DCAF13: variants seen among roughly 807,000 people sequenced by gnomAD.
The protein encoded by DCAF13 is DDB1 and CUL4 associated factor 13.
In DCAF13, 38 loss-of-function variants were observed where a neutral mutation model predicts 59.0. The observed-to-expected ratio is 0.64, with a 90% confidence interval of 0.50 to 0.84. The LOEUF is 0.84. Ranked by LOEUF, DCAF13 falls within the 40% of genes least tolerant of loss-of-function variation. The pLI, the probability that DCAF13 is intolerant of heterozygous loss-of-function variation, is 0.00. For missense variants in DCAF13, 469 were observed against 558.4 expected, an observed-to-expected ratio of 0.84 and a Z score of 1.61; for synonymous variants, 173 against 175.0, an observed-to-expected ratio of 0.99 and a Z score of 0.09.
chr8:103,420,850 T>C, intron 2 of DCAF13, 125 bp from the exon 3 acceptor site: 1 of 666,890 alleles, frequency 1.5e-6, no homozygotes, highest in South Asian at 1.8e-5. Flanking sequence ...ATTGCATTGT[T>C]TTAATCCAAA....
intron 4 of DCAF13, among the ~76,000 whole-genome samples, chr8:103,426,393 G>A (rs1393828542): frequency 5.3e-5 from 8 of 151,542 alleles, no homozygotes; most frequent in Non-Finnish European, 8.8e-5. Flanking sequence ...TTAGCCAGAG[G>A]ATACAATGAA....
At chr8:103,422,335 A>G (rs145461593) in intron 3 of DCAF13, among the ~76,000 whole-genome samples, 3 of 152,308 alleles carry the variant, frequency 2.0e-5, no homozygotes, top group Non-Finnish European at 4.4e-5. Context: ...TGAACTTGAC[A>G]TCATCAATAT....
chr8:103,436,061 T>C (rs746102842), intron 8 of DCAF13, among the ~76,000 whole-genome samples: 5 of 152,178 alleles, frequency 3.3e-5, no homozygotes, highest in Middle Eastern at 3.2e-3. Flanking sequence ...TGTAAACATA[T>C]ATAAACACAG....
At chr8:103,435,460 CT>C (rs1191089109) in intron 7 of DCAF13, among the ~76,000 whole-genome samples, 165 bp from the exon 8 acceptor site, 1 of 152,026 alleles carries the variant, frequency 6.6e-6, no homozygotes, top group East Asian at 1.9e-4. Flanking sequence ...ATCATAAAAA[CT>C]GTTGAAATTT....
At chr8:103,427,469 G>A in intron 5 of DCAF13, 2 of 549,520 alleles carry the variant, frequency 3.6e-6, no homozygotes, top group Non-Finnish European at 6.4e-6. Flanking sequence ...AGCATTGTTA[G>A]AGGAGTGGTG....
At position 103,415,462 on chromosome 8, in the gene DCAF13, C is replaced by T. The variant is rs1225040891; in HGVS notation, c.16C>T (p.Leu6=). MKVKM[L]SRNPDNYVRE... is the part of the protein sequence containing the mutation. ...AGCAACCGAGATGAAGGTGAAGATG[C>T]TGAGCCGGAATCCGGACAATTATGT... is the stretch of plus-strand genomic sequence containing the variant. Residue 6 remains leucine, a synonymous_variant, in exon 1 of 11, where the codon CTG becomes TTG. Coordinates refer to ENST00000612750, the MANE Select transcript of DCAF13 (RefSeq NM_015420.7). The T allele has an allele frequency of 1.2e-6, 2 of 1,613,812 alleles. No individual in the cohort carries two copies. Among genetic ancestry groups the T allele is most frequent in the Admixed American group, 1.7e-5 (1 of 60,010 alleles).
intron 3 of DCAF13, 30 bp from the exon 4 acceptor site, chr8:103,426,026 C>T: frequency 1.4e-6 from 2 of 1,480,176 alleles, no homozygotes; most frequent in Non-Finnish European, 1.9e-6. Context: ...TTGTTCCTTA[C>T]CATCATCATA....
intron 1 of DCAF13, among the ~76,000 whole-genome samples, chr8:103,418,880 T>A (rs1488189976): frequency 0.085 from 4,646 of 54,546 alleles, 281 homozygotes; most frequent in East Asian, 0.26. Context: ...TTTTTTTTTT[T>A]TTTTTTTTTT....
intron 9 of DCAF13, 142 bp downstream of exon 9, chr8:103,440,413 C>T: frequency 1.5e-6 from 1 of 667,326 alleles, no homozygotes. Context: ...AATAAATGGA[C>T]AAGGTTGTAT....
At chr8:103,422,319 C>A in intron 3 of DCAF13, among the ~76,000 whole-genome samples, 1 of 152,106 alleles carries the variant, frequency 6.6e-6, no homozygotes, top group East Asian at 1.9e-4. Context: ...GGAGGGAGGT[C>A]AGAGCTGAAC....
chr8:103,420,706 T>G, intron 2 of DCAF13: 1 of 584,684 alleles, frequency 1.7e-6, no homozygotes, highest in Middle Eastern at 4.5e-4. Flanking sequence ...AGTATTTAAG[T>G]ATGAGTTTTT....
At chr8:103,417,623 CAGAG>C (rs1816639172) in intron 1 of DCAF13, among the ~76,000 whole-genome samples, 1 of 126,776 alleles carries the variant, frequency 7.9e-6, no homozygotes, top group African/African-American at 3.2e-5. Context: ...GCCTGGGTGA[CAGAG>C]GGAGACTCCG....
chr8:103,420,152 G>A (rs1050688472), intron 1 of DCAF13, 112 bp from the exon 2 acceptor site: 1 of 917,988 alleles, frequency 1.1e-6, no homozygotes, highest in South Asian at 1.5e-5. Flanking sequence ...TTAGTGTTAG[G>A]CATAGAACAA....
Position 103,427,155 on chromosome 8 carries a change from A to G in DCAF13, c.527A>G (p.Gln176Arg), listed in dbSNP as rs1816803784. 6.2e-7 allele frequency: 1 copy of G among 1,613,556 alleles called. No homozygotes were observed. The highest frequency in any genetic ancestry group is 8.5e-7 in the Non-Finnish European group (1 of 1,179,606). The change falls in exon 5 of 11, where the codon CAG (glutamine) becomes CGG (arginine). Residue 176 changes from glutamine (Q) to arginine (R), a missense_variant. Coordinates refer to ENST00000612750, the MANE Select transcript of DCAF13 (RefSeq NM_015420.7). Reference sequence around the variant, plus strand: ...GAAGCTGTTTTTGCCACATGTGGACAGCAAGTAGACATTTGGGATGAACAA... The same window carrying G: ...GAAGCTGTTTTTGCCACATGTGGACGGCAAGTAGACATTTGGGATGAACAA... Reference protein sequence around the residue: ...WKEAVFATCGQQVDIWDEQRT... With the variant: ...WKEAVFATCGRQVDIWDEQRT...
At chr8:103,420,672 T>G in intron 2 of DCAF13, 1 of 590,286 alleles carries the variant, frequency 1.7e-6, no homozygotes, top group Non-Finnish European at 2.9e-6. Context: ...TGACAGTAAA[T>G]TAAATAATCA....
intron 9 of DCAF13, 42 bp downstream of exon 9, chr8:103,440,313 C>A: frequency 6.8e-7 from 1 of 1,473,522 alleles, no homozygotes; most frequent in South Asian, 1.4e-5. Flanking sequence ...AAGCTGATTT[C>A]TAATTTTATT....
In DCAF13 at chr8:103,441,548, C is replaced by T. The variant is rs1466033297; in HGVS notation, c.1180C>T (p.Arg394Ter). The T allele has an allele frequency of 7.5e-6, 12 of 1,607,962 alleles. No individual in the cohort carries two copies. Among genetic ancestry groups the T allele is most frequent in the Non-Finnish European group, 4.2e-6 (5 of 1,178,620 alleles). Residue 394 changes from arginine (R) to a stop codon, truncating the protein, a stop_gained, in exon 10 of 11, where the codon CGA (arginine) becomes TGA (stop). Transcript: ENST00000612750. LOFTEE classifies it high-confidence loss of function. Reference sequence around the variant, plus strand: ...TCATATAAAACGTATAGCTCGTCATCGACATCTACCAAAATCTATCTATAG... The same window carrying T: ...TCATATAAAACGTATAGCTCGTCATTGACATCTACCAAAATCTATCTATAG... ...YPHIKRIARH[R>*]HLPKSIYSQI...
rs1171482531 is a variant in DCAF13 at position 103,441,535 on chromosome 8, T to C, written c.1167T>C (p.Arg389=). The C allele has an allele frequency of 1.9e-6, 3 of 1,609,246 alleles. No individual in the cohort carries two copies. The African/African-American group carries it at 4.0e-5, about 22-fold the overall frequency. The change falls in exon 10 of 11, where the codon CGT becomes CGC. Residue 389 remains arginine, a synonymous_variant. Transcript: ENST00000612750. ...TTCAGCATTATCCTCATATAAAACG[T>C]ATAGCTCGTCATCGACATCTACCAA... ...EKFQHYPHIK[R]IARHRHLPKS...
chr8:103,419,707 G>A (rs1816695666), intron 1 of DCAF13, among the ~76,000 whole-genome samples: 1 of 152,088 alleles, frequency 6.6e-6, no homozygotes, highest in African/African-American at 2.4e-5. Flanking sequence ...GTTGAAGAGG[G>A]TACTAGGACA....
Sources: allele counts gnomAD v4.1 joint callset (sites outside exome capture counted in the v4.1 genomes callset), GRCh38; gene constraint gnomAD v4.1.1; transcripts MANE v1.5; gene names NCBI Gene and HGNC (gene_info 2026-07-23, HGNC 2026-07-21).